The following IQGAP2 variants were observed in gnomAD, a reference collection of about 807,000 sequenced individuals.
IQGAP2 encodes the protein ras GTPase-activating-like protein IQGAP2.
A neutral mutation model predicts 201.3 loss-of-function variants in IQGAP2; 173 were observed. The observed-to-expected ratio is 0.86, with a 90% CI of 0.76 to 0.98. The LOEUF is 0.98. Ranked by LOEUF, IQGAP2 falls within the 50% of genes least tolerant of loss-of-function variation. The pLI, the probability that IQGAP2 is intolerant of heterozygous loss-of-function variation, is 0.00. For synonymous variants in IQGAP2, 675 were observed against 673.9 expected, an observed-to-expected ratio of 1.00 and a Z score of -0.03; for missense variants, 1,687 against 1,864.8, an observed-to-expected ratio of 0.90 and a Z score of 1.76.
At chr5:76,438,131 A>C (rs34637558) in intron 1 of IQGAP2, among the ~76,000 whole-genome samples, 14,281 of 149,018 alleles carry the variant, frequency 0.096, 1,745 homozygotes, top group African/African-American at 0.29. Context: ...TCCTCTTTCT[A>C]AATCTTTAGA....
chr5:76,704,561 T>A (rs953371830), intron 35 of IQGAP2, among the ~76,000 whole-genome samples: 6 of 152,238 alleles, frequency 3.9e-5, no homozygotes, highest in Non-Finnish European at 5.9e-5. Context: ...CTGGGTTTTT[T>A]AAATCAGTAG....
intron 9 of IQGAP2, chr5:76,597,115 C>G (rs753314975): frequency 8.0e-6 from 2 of 250,122 alleles, no homozygotes; most frequent in African/African-American, 2.2e-5. Flanking sequence ...AGGACTGGAG[C>G]AATCTGAAGG....
chr5:76,621,519 G>A (rs1749668890), intron 13 of IQGAP2, among the ~76,000 whole-genome samples: 1 of 152,202 alleles, frequency 6.6e-6, no homozygotes, highest in Admixed American at 6.5e-5. Context: ...CACAAAGTTA[G>A]AGAATGGTGC....
rs1161549077 is a variant in IQGAP2 at position 76,645,096 on chromosome 5, G to A, written c.2094+3993G>A. 8.5e-5 allele frequency among the ~76,000 whole-genome samples: 13 copies of A among 152,168 alleles called. No individual in the cohort carries two copies. The South Asian group carries it at 1.5e-3, about 17-fold the overall frequency. Reference sequence around the variant, plus strand: ...CTCCTACTTATGAGTGAGAACATGCGGTGTTTGGTTTTCTGTTCCTGTGTT... The same window carrying A: ...CTCCTACTTATGAGTGAGAACATGCAGTGTTTGGTTTTCTGTTCCTGTGTT... On this transcript the variant is annotated intron_variant, in intron 17 of 35. Coordinates refer to ENST00000274364, the MANE Select transcript of IQGAP2 (RefSeq NM_006633.5).
intron 2 of IQGAP2, among the ~76,000 whole-genome samples, chr5:76,508,016 A>AG (rs1435071490): frequency 3.4e-5 from 5 of 147,858 alleles, no homozygotes; most frequent in African/African-American, 1.3e-4. Flanking sequence ...AAAAAAAAAA[A>AG]AAAAAAAAAA....
rs995723229 is a variant in IQGAP2 at position 76,428,409 on chromosome 5, G to T, written c.46+24818G>T. ...GGAGCCCAGGAACCCACTGTTCTGC[G>T]CCAGGAGTTTGCTTTGAATCCTTTT... On this transcript the variant is annotated intron_variant, in intron 1 of 35. Transcript: ENST00000274364. Among the ~76,000 whole-genome samples the T allele has an allele frequency of 4.6e-5, 7 of 151,704 alleles. No homozygotes were observed. In the East Asian group the frequency reaches 1.3e-3, roughly 29 times the overall value.
chr5:76,662,512 G>A (rs1743345886), intron 21 of IQGAP2, among the ~76,000 whole-genome samples: 1 of 152,154 alleles, frequency 6.6e-6, no homozygotes, highest in Non-Finnish European at 1.5e-5. Flanking sequence ...CACTTGGGAG[G>A]GAAAAGGGGG....
intron 13 of IQGAP2, among the ~76,000 whole-genome samples, chr5:76,619,465 C>T (rs932555755): frequency 2.1e-4 from 32 of 151,688 alleles, no homozygotes; most frequent in African/African-American, 7.8e-4. Context: ...AAGTATATTC[C>T]TTTACCTAGC....
chr5:76,502,036 TGAA>T (rs1347518795), intron 2 of IQGAP2, among the ~76,000 whole-genome samples: 1 of 152,212 alleles, frequency 6.6e-6, no homozygotes, highest in Non-Finnish European at 1.5e-5. Context: ...GCTTTGCCCA[TGAA>T]GACGTGGCCC....
rs1307874410 is a variant in IQGAP2, at chr5:76,701,198, A to T, written c.4490A>T (p.Asp1497Val). The T allele has an allele frequency of 2.5e-6, 4 of 1,614,022 alleles. No individual in the cohort carries two copies. In the Admixed American group the frequency reaches 5.0e-5, roughly 20 times the overall value. The change falls in exon 34 of 36, where the codon GAT (aspartate) becomes GTT (valine). Residue 1497 changes from aspartate (D) to valine (V), a missense_variant. Transcript: ENST00000274364. ...HEKGVLLDID[D>V]LQTNQFKNVT... ...AAAGGTGTCCTGCTAGATATAGATG[A>T]TCTTCAAACAAACCAGTAAGTGTGA...
intron 28 of IQGAP2, among the ~76,000 whole-genome samples, chr5:76,681,704 T>A (rs1158619489): frequency 6.6e-6 from 1 of 151,948 alleles, no homozygotes; most frequent in East Asian, 1.9e-4. Context: ...TTAAAAAAAA[T>A]TAAACATAGA....
intron 2 of IQGAP2, among the ~76,000 whole-genome samples, chr5:76,497,939 G>A (rs544877669): frequency 7.2e-5 from 11 of 152,296 alleles, no homozygotes; most frequent in Admixed American, 2.0e-4. Flanking sequence ...AGAGGTTGGT[G>A]TTTTGGTGAT....
Position 76,495,951 on chromosome 5 carries a change from G to A in IQGAP2, c.146+34282G>A, listed in dbSNP as rs116012355. Among the ~76,000 whole-genome samples, 1,193 of 152,320 alleles carry A rather than the reference G, an allele frequency of 7.8e-3. 11 individuals are homozygous for A. The highest frequency in any genetic ancestry group is 0.026 in the African/African-American group (1,101 of 41,566). ...TTCAACATGAGATTTGGAGAGGACAGACATCCAAACCGTATCAGGTAGTGT... is the reference window on the plus strand; with the variant it reads ...TTCAACATGAGATTTGGAGAGGACAAACATCCAAACCGTATCAGGTAGTGT... On this transcript the variant is annotated intron_variant, in intron 2 of 35. Coordinates refer to ENST00000274364, the MANE Select transcript of IQGAP2 (RefSeq NM_006633.5).
chr5:76,655,700 G>A (rs952093041), intron 20 of IQGAP2, among the ~76,000 whole-genome samples: 3 of 152,094 alleles, frequency 2.0e-5, no homozygotes, highest in Non-Finnish European at 2.9e-5. Flanking sequence ...ACCTGCCTTG[G>A]CCTCCCAAAG....
chr5:76,435,179 C>A (rs1353579509), intron 1 of IQGAP2, among the ~76,000 whole-genome samples: 1 of 151,386 alleles, frequency 6.6e-6, no homozygotes, highest in African/African-American at 2.4e-5. Context: ...CTGGTTATTT[C>A]TTTTGCTGTG....
At chr5:76,509,558 AT>A (rs1202925411) in intron 2 of IQGAP2, among the ~76,000 whole-genome samples, 1 of 150,724 alleles carries the variant, frequency 6.6e-6, no homozygotes, top group South Asian at 2.1e-4. Flanking sequence ...TGCCCGGCTA[AT>A]TTTTTTTTGT....
rs34099080 is a variant in IQGAP2, at chr5:76,676,077, T to TCACACACA, written c.3528-1102_3528-1095dup. Among the ~76,000 whole-genome samples, 755 of 135,640 alleles carry TCACACACA rather than the reference T, an allele frequency of 5.6e-3. 4 individuals are homozygous for TCACACACA. Among genetic ancestry groups the TCACACACA allele is most frequent in the African/African-American group, 0.013 (451 of 35,564 alleles). The allele number at this position is 135,640 out of a possible 152,430, so 89.0% of individuals were successfully genotyped here. ...GCCCAGGTGACAGGGTAAGACTCTG[T>TCACACACA]CACACACACACACACACACACACAC... On this transcript the variant is annotated intron_variant, in intron 27 of 35. Transcript: ENST00000274364.
At chr5:76,527,979 C>T (rs1759065348) in intron 2 of IQGAP2, among the ~76,000 whole-genome samples, 1 of 152,224 alleles carries the variant, frequency 6.6e-6, no homozygotes, top group African/African-American at 2.4e-5. Flanking sequence ...GATGTCATGA[C>T]ATCATCCTCT....
chr5:76,469,993 C>T (rs1755016744), intron 2 of IQGAP2, among the ~76,000 whole-genome samples: 1 of 152,150 alleles, frequency 6.6e-6, no homozygotes, highest in Non-Finnish European at 1.5e-5. Flanking sequence ...TAACTGGGTC[C>T]TCTGGTTTTG....
Sources: allele counts gnomAD v4.1 joint callset (sites outside exome capture counted in the v4.1 genomes callset), GRCh38; gene constraint gnomAD v4.1.1; transcripts MANE v1.5; gene names NCBI Gene and HGNC (gene_info 2026-07-23, HGNC 2026-07-21).